The following ASAP2 variants were observed in gnomAD, a reference collection of about 807,000 sequenced individuals.
ASAP2 encodes ArfGAP with SH3 domain, ankyrin repeat and PH domain 2, also known as arf-GAP with SH3 domain, ANK repeat and PH domain-containing protein 2.
In ASAP2, 45 loss-of-function variants were observed where a neutral mutation model predicts 131.4. The ratio of observed to expected loss-of-function variants is 0.34; its 90% CI spans 0.27 to 0.44. ASAP2 has a LOEUF of 0.44. ASAP2 is among the 20% of genes least tolerant of loss of function. The probability of loss-of-function intolerance (pLI) is 1.00; values close to 1 mark genes in which losing one functional copy is unlikely to be tolerated. For synonymous variants in ASAP2, 510 were observed against 503.0 expected (o/e 1.01, Z -0.19); for missense variants, 1,011 against 1,297.0 (o/e 0.78, Z 3.39).
chr2:9,226,611 G>A (rs1662787679), intron 1 of ASAP2, among the ~76,000 whole-genome samples: 1 of 152,180 alleles, frequency 6.6e-6, no homozygotes, highest in South Asian at 2.1e-4. Flanking sequence ...CTGGATGCTG[G>A]CCTCTGCACA....
chr2:9,211,125 A>G (rs1205908969), intron 1 of ASAP2, among the ~76,000 whole-genome samples: 1 of 151,574 alleles, frequency 6.6e-6, no homozygotes, highest in African/African-American at 2.4e-5. Context: ...ATTGCACTCC[A>G]GCCTGGGCAA....
chr2:9,231,903 G>A (rs901219046), intron 1 of ASAP2, among the ~76,000 whole-genome samples: 3 of 152,142 alleles, frequency 2.0e-5, no homozygotes, highest in African/African-American at 7.2e-5. Context: ...GACACTTTGG[G>A]AAGTGGCAAC....
intron 3 of ASAP2, among the ~76,000 whole-genome samples, chr2:9,307,181 C>T (rs1669000845): frequency 6.6e-6 from 1 of 152,218 alleles, no homozygotes; most frequent in Admixed American, 6.5e-5. Context: ...TGTTAGACCA[C>T]ACCTGTTGGA....
Position 9,368,477 on chromosome 2 carries a change from TA to T in ASAP2, c.1515del (p.Pro506GlnfsTer14). ...TTTAATGAGATCATGGAATGTTGCC[TA>T]CCAGCTGAGGACTCAGTCAAACCCA... ...AGFNEIMECC[L>X]PAEDSVKPNP... On this transcript the variant is annotated frameshift_variant, in exon 16 of 28. Coordinates refer to ENST00000281419, the MANE Select transcript of ASAP2 (RefSeq NM_003887.3). LOFTEE classifies it high-confidence loss of function. 6.2e-7 allele frequency: 1 copy of T among 1,614,188 alleles called. No homozygotes were observed. Among genetic ancestry groups the T allele is most frequent in the Non-Finnish European group, 8.5e-7 (1 of 1,180,012 alleles).
At chr2:9,302,831 C>T (rs1012565099) in intron 3 of ASAP2, among the ~76,000 whole-genome samples, 3 of 152,126 alleles carry the variant, frequency 2.0e-5, no homozygotes, top group African/African-American at 7.2e-5. Flanking sequence ...GACATTATAG[C>T]TAACCTTACT....
intron 1 of ASAP2, among the ~76,000 whole-genome samples, chr2:9,267,563 G>A (rs1206743016): frequency 6.6e-6 from 1 of 152,056 alleles, no homozygotes; most frequent in Non-Finnish European, 1.5e-5. Flanking sequence ...TACCTGGGTT[G>A]ATTCCATGTC....
chr2:9,342,411 G>A (rs530932678), intron 9 of ASAP2, among the ~76,000 whole-genome samples: 1 of 152,328 alleles, frequency 6.6e-6, no homozygotes, highest in Non-Finnish European at 1.5e-5. Context: ...AATGGAGAAG[G>A]AGTAGTCTTT....
intron 4 of ASAP2, among the ~76,000 whole-genome samples, chr2:9,319,416 T>G (rs1440432018): frequency 6.6e-6 from 1 of 152,194 alleles, no homozygotes; most frequent in Admixed American, 6.5e-5. Context: ...CGGAGAGAGC[T>G]GTTCAGACAC....
At chr2:9,258,929 G>A (rs1665374334) in intron 1 of ASAP2, among the ~76,000 whole-genome samples, 1 of 152,126 alleles carries the variant, frequency 6.6e-6, no homozygotes, top group African/African-American at 2.4e-5. Context: ...TACAGACTGG[G>A]GTCTGCAGCC....
At chr2:9,357,873 A>C (rs1672819039) in intron 14 of ASAP2, among the ~76,000 whole-genome samples, 1 of 152,242 alleles carries the variant, frequency 6.6e-6, no homozygotes, top group African/African-American at 2.4e-5. Context: ...TGAGTTTCTC[A>C]GGGCAACAAA....
chr2:9,275,392 A>G (rs899042698), intron 1 of ASAP2, among the ~76,000 whole-genome samples: 1 of 152,128 alleles, frequency 6.6e-6, no homozygotes, highest in African/African-American at 2.4e-5. Context: ...TGTTCTTAGC[A>G]CGGTTGACCC....
intron 1 of ASAP2, among the ~76,000 whole-genome samples, chr2:9,219,148 G>A (rs927499798): frequency 3.3e-5 from 5 of 152,162 alleles, no homozygotes; most frequent in African/African-American, 1.2e-4. Context: ...GGGTTTTGTG[G>A]TCATTGAGTA....
intron 3 of ASAP2, among the ~76,000 whole-genome samples, chr2:9,299,757 T>C (rs1230423016): frequency 6.6e-6 from 1 of 152,222 alleles, no homozygotes; most frequent in African/African-American, 2.4e-5. Flanking sequence ...TATCTAGACC[T>C]GGATTGTCTC....
chr2:9,385,220 A>G, intron 20 of ASAP2, 25 bp from the exon 21 acceptor site: 4 of 1,560,314 alleles, frequency 2.6e-6, no homozygotes, highest in Non-Finnish European at 3.5e-6. Context: ...GAGCAACAGC[A>G]CTGACCATCC....
intron 1 of ASAP2, among the ~76,000 whole-genome samples, chr2:9,264,379 C>CCATCA (rs1665797796): frequency 6.6e-6 from 1 of 152,160 alleles, no homozygotes; most frequent in Non-Finnish European, 1.5e-5. Flanking sequence ...GTCCCCTTCC[C>CCATCA]CATCAGGAAC....
intron 1 of ASAP2, among the ~76,000 whole-genome samples, chr2:9,218,433 A>G (rs970613972): frequency 3.9e-5 from 6 of 152,218 alleles, no homozygotes; most frequent in African/African-American, 9.6e-5. Flanking sequence ...ACCCAGACCC[A>G]TAGAGTATTC....
intron 1 of ASAP2, among the ~76,000 whole-genome samples, chr2:9,241,178 A>C (rs938677644): frequency 2.0e-5 from 3 of 152,232 alleles, no homozygotes; most frequent in African/African-American, 7.2e-5. Context: ...TCTAAGATGA[A>C]ATATTATTAG....
Position 9,391,181 on chromosome 2 carries a change from C to T in ASAP2, c.2503C>T (p.Arg835Cys), listed in dbSNP as rs754041988. Residue 835 changes from arginine (R) to cysteine (C), a missense_variant, in exon 23 of 28, where the codon CGC becomes TGC. By Grantham distance (180) the Arg-to-Cys change is radical. Transcript: ENST00000281419. ...TGTCCATCCACCGCTGCCCCCTCTT[C>T]GCGTGACATCTACCAGTACGTTTTT... Reference protein sequence around the residue: ...PAVHPPLPPLRVTSTNPLTPT... With the variant: ...PAVHPPLPPLCVTSTNPLTPT... 26 of 1,613,748 alleles carry T rather than the reference C, an allele frequency of 1.6e-5. No homozygotes were observed. The East Asian group carries it at 4.0e-4, about 25-fold the overall frequency.
Position 9,381,215 on chromosome 2 carries a change from A to C in ASAP2, c.2016+407A>C, listed in dbSNP as rs544644185. On this transcript the variant is annotated intron_variant, in intron 20 of 27. Coordinates refer to ENST00000281419, the MANE Select transcript of ASAP2 (RefSeq NM_003887.3). ...CAGCCCCAGATCATGTGGGTTGCTCAATACCATCTTTTCCTGTTCTGGAAG... is the reference window on the plus strand; with the variant it reads ...CAGCCCCAGATCATGTGGGTTGCTCCATACCATCTTTTCCTGTTCTGGAAG... Among the ~76,000 whole-genome samples, 47 of 152,338 alleles carry C rather than the reference A, an allele frequency of 3.1e-4. 1 individual carries two copies. Among genetic ancestry groups the C allele is most frequent in the African/African-American group, 1.1e-3 (47 of 41,590 alleles).
Sources: allele counts gnomAD v4.1 joint callset (sites outside exome capture counted in the v4.1 genomes callset), GRCh38; gene constraint gnomAD v4.1.1; transcripts MANE v1.5; gene names NCBI Gene and HGNC (gene_info 2026-07-23, HGNC 2026-07-21).